Variants in MYO16 observed in about 807,000 individuals in gnomAD.
MYO16 encodes myosin XVI.
A neutral mutation model predicts 205.3 loss-of-function variants in MYO16; 94 were observed. The ratio of observed to expected loss-of-function variants is 0.46; its 90% CI spans 0.39 to 0.54. The LOEUF is 0.54. Among genes scored for constraint, MYO16 ranks in the 20% least tolerant of loss-of-function variants. The pLI, the probability that MYO16 is intolerant of heterozygous loss-of-function variation, is 0.00. For synonymous variants in MYO16, 988 were observed against 954.0 expected (o/e 1.04, Z -0.66); for missense variants, 2,315 against 2,387.5 (o/e 0.97, Z 0.63).
upstream of MYO16, among the ~76,000 whole-genome samples, chr13:108,625,851 T>C (rs1324263126): frequency 6.6e-6 from 1 of 152,246 alleles, no homozygotes; most frequent in Non-Finnish European, 1.5e-5. Flanking sequence ...AATTTCTTCA[T>C]TTAATAAAGC....
At chr13:108,530,146 A>G in the MYO16 span, among the ~76,000 whole-genome samples, 1 of 152,116 alleles carries the variant, frequency 6.6e-6, no homozygotes, top group African/African-American at 2.4e-5. Flanking sequence ...GGATCCTTCC[A>G]TTTCTGCTAC....
chr13:108,606,075 G>C (rs114405527), intron 1 of MYO16, among the ~76,000 whole-genome samples: 2,283 of 152,262 alleles, frequency 0.015, 46 homozygotes, highest in African/African-American at 0.052. Flanking sequence ...CTGCCCTAGA[G>C]ATCTGTGGAA....
At chr13:109,047,143 G>T in intron 24 of MYO16, 152 bp downstream of exon 24, 1 of 607,918 alleles carries the variant, frequency 1.6e-6, no homozygotes, top group Non-Finnish European at 2.9e-6. Flanking sequence ...ATGAGAAATG[G>T]GTCTTGCTGC....
At chr13:109,003,348 G>A (rs1038350953) in intron 21 of MYO16, among the ~76,000 whole-genome samples, 1 of 152,132 alleles carries the variant, frequency 6.6e-6, no homozygotes, top group African/African-American at 2.4e-5. Flanking sequence ...AGAACATGAT[G>A]TTCAATAAAA....
the MYO16 span, among the ~76,000 whole-genome samples, chr13:108,496,143 C>T: frequency 1.3e-5 from 2 of 152,072 alleles, no homozygotes; most frequent in Non-Finnish European, 2.9e-5. Flanking sequence ...GGAGAGGAGG[C>T]TTGTCGGTCC....
intron 23 of MYO16, among the ~76,000 whole-genome samples, chr13:109,023,357 G>A (rs867942468): frequency 1.8e-4 from 11 of 60,020 alleles, no homozygotes; most frequent in African/African-American, 7.2e-4. Flanking sequence ...ATATTATACA[G>A]ATATAAATAT....
chr13:108,727,187 T>C, intron 3 of MYO16, among the ~76,000 whole-genome samples: 1 of 152,064 alleles, frequency 6.6e-6, no homozygotes, highest in East Asian at 1.9e-4. Flanking sequence ...AGTGAAGTAC[T>C]TTTTTCGACC....
At chr13:108,527,555 T>C in the MYO16 span, among the ~76,000 whole-genome samples, 1 of 152,312 alleles carries the variant, frequency 6.6e-6, no homozygotes, top group African/African-American at 2.4e-5. Flanking sequence ...ATTTTCTCTT[T>C]CTATGCATAC....
intron 4 of MYO16, among the ~76,000 whole-genome samples, chr13:108,747,332 T>C (rs865914439): frequency 7.9e-5 from 12 of 152,162 alleles, no homozygotes; most frequent in South Asian, 2.1e-4. Context: ...GATAACAATA[T>C]ATTGGGTTAT....
At chr13:108,759,433 C>T (rs35679208) in intron 4 of MYO16, among the ~76,000 whole-genome samples, 24,489 of 152,096 alleles carry the variant, frequency 0.16, 2,185 homozygotes, top group Non-Finnish European at 0.21. Context: ...CAAGTTAAGA[C>T]GTGACTCAGG....
At chr13:108,945,830 G>A (rs889148420) in intron 16 of MYO16, among the ~76,000 whole-genome samples, 2 of 152,050 alleles carry the variant, frequency 1.3e-5, no homozygotes, top group African/African-American at 4.8e-5. Flanking sequence ...ATTGCCTGTA[G>A]AGTGTACACG....
chr13:108,963,277 C>T (rs1883657401), intron 19 of MYO16, among the ~76,000 whole-genome samples: 1 of 152,164 alleles, frequency 6.6e-6, no homozygotes, highest in Admixed American at 6.5e-5. Context: ...GGCCTATGTG[C>T]ATGTATTTAG....
At chr13:108,773,414 G>A (rs902155046) in intron 4 of MYO16, among the ~76,000 whole-genome samples, 1 of 152,146 alleles carries the variant, frequency 6.6e-6, no homozygotes, top group Non-Finnish European at 1.5e-5. Flanking sequence ...TCAGCACTGT[G>A]ATTCCTCTAA....
At chr13:108,842,277 AAGT>A (rs1566363533) in intron 9 of MYO16, among the ~76,000 whole-genome samples, 1 of 152,094 alleles carries the variant, frequency 6.6e-6, no homozygotes, top group Non-Finnish European at 1.5e-5. Flanking sequence ...CAAAATGAAA[AAGT>A]AGCATGTTGA....
chr13:108,504,203 C>G, the MYO16 span, among the ~76,000 whole-genome samples: 119 of 152,142 alleles, frequency 7.8e-4, no homozygotes, highest in Non-Finnish European at 1.3e-4. Flanking sequence ...CTCACTGCAA[C>G]CTTCGCCTCC....
chr13:108,604,107 C>A, intron 1 of MYO16, among the ~76,000 whole-genome samples: 1 of 152,100 alleles, frequency 6.6e-6, no homozygotes, highest in East Asian at 1.9e-4. Flanking sequence ...ACCATCAGAT[C>A]TTGTAAGAAC....
rs79507536 is a variant in MYO16, at chr13:108,947,007, C to T, written c.1926-10681C>T. Among the ~76,000 whole-genome samples the T allele has an allele frequency of 3.0e-4, 45 of 152,220 alleles. 3 individuals are homozygous for T. In the East Asian group the frequency reaches 8.1e-3, roughly 27 times the overall value. On this transcript the variant is annotated intron_variant, in intron 16 of 34. Coordinates refer to ENST00000457511, the MANE Select transcript of MYO16 (RefSeq NM_001198950.3). ...ATACATTTGTGGGTTACATTCAGCG[C>T]GATGTTGTTCACACCATACTTTATC...
intron 3 of MYO16, among the ~76,000 whole-genome samples, chr13:108,715,155 C>A (rs1414195653): frequency 6.6e-6 from 1 of 152,234 alleles, no homozygotes; most frequent in African/African-American, 2.4e-5. Flanking sequence ...CTGCGCTCTG[C>A]TCTGCTGACA....
the MYO16 span, among the ~76,000 whole-genome samples, chr13:108,563,575 A>T: frequency 6.6e-6 from 1 of 152,208 alleles, no homozygotes; most frequent in Non-Finnish European, 1.5e-5. Flanking sequence ...TCCACAAATC[A>T]GTTAGAACAT....
Sources: gnomAD v4.1 joint callset for allele counts (sites outside exome capture counted in the v4.1 genomes callset) on GRCh38, gnomAD v4.1.1 for gene constraint, MANE v1.5 for transcripts, NCBI Gene and HGNC (gene_info 2026-07-23, HGNC 2026-07-21) for gene names.